The following PLAAT1 variants were observed in gnomAD, a reference collection of about 807,000 sequenced individuals.
PLAAT1 encodes H-REV107 protein-related protein.
In PLAAT1, 13 loss-of-function variants were observed where a neutral mutation model predicts 16.4. The observed-to-expected ratio is 0.79, with a 90% CI of 0.52 to 1.26. The LOEUF is 1.26. Among genes scored for constraint, PLAAT1 ranks in the 50% most tolerant of loss-of-function variants. PLAAT1 has a pLI of 0.00. For missense variants in PLAAT1, 218 were observed against 207.8 expected (o/e 1.05, Z -0.30); for synonymous variants, 73 against 78.4 (o/e 0.93, Z 0.36).
chr3:193,273,209 A>G (rs1472361875), downstream of PLAAT1, among the ~76,000 whole-genome samples: 1 of 152,222 alleles, frequency 6.6e-6, no homozygotes, highest in Non-Finnish European at 1.5e-5. Flanking sequence ...CTAAATGCAG[A>G]TGTCAGCTCA....
At chr3:193,245,892 T>C (rs1295163804) in intron 1 of PLAAT1, among the ~76,000 whole-genome samples, 3 of 152,250 alleles carry the variant, frequency 2.0e-5, no homozygotes, top group Non-Finnish European at 4.4e-5. Context: ...GTTTTCTTGC[T>C]ATTGAGTTGT....
intron 1 of PLAAT1, among the ~76,000 whole-genome samples, chr3:193,254,294 A>G (rs992462251): frequency 1.3e-5 from 2 of 152,204 alleles, no homozygotes; most frequent in Non-Finnish European, 2.9e-5. Context: ...AAAGACTTTT[A>G]GAGTGCCAGA....
chr3:193,260,588 A>G (rs367987258), intron 2 of PLAAT1, among the ~76,000 whole-genome samples: 9 of 152,218 alleles, frequency 5.9e-5, no homozygotes, highest in African/African-American at 1.9e-4. Context: ...CAACAAACCT[A>G]TGAAACAATG....
chr3:193,244,040 C>T (rs530015469), intron 1 of PLAAT1, among the ~76,000 whole-genome samples: 22 of 152,244 alleles, frequency 1.4e-4, no homozygotes, highest in Admixed American at 2.6e-4. Context: ...TTCAGGTTGT[C>T]GCATATGTCA....
At chr3:193,258,787 G>A (rs1474157151) in intron 2 of PLAAT1, among the ~76,000 whole-genome samples, 1 of 152,026 alleles carries the variant, frequency 6.6e-6, no homozygotes, top group Admixed American at 6.5e-5. Context: ...ACCGAAAAAA[G>A]CCCTGGAGCA....
intron 2 of PLAAT1, chr3:193,276,642 A>T (rs184885245): frequency 4.5e-5 from 33 of 740,506 alleles, no homozygotes; most frequent in Non-Finnish European, 1.8e-5. Flanking sequence ...ACCCTTAATA[A>T]CTGTCATTTT....
At chr3:193,273,379 T>G (rs1391449881), downstream of PLAAT1, among the ~76,000 whole-genome samples, 1 of 152,206 alleles carries the variant, frequency 6.6e-6, no homozygotes, top group Non-Finnish European at 1.5e-5. Flanking sequence ...CAAGAAAAGG[T>G]TAAAAAGCAA....
intron 2 of PLAAT1, among the ~76,000 whole-genome samples, chr3:193,256,441 C>T (rs919818483): frequency 6.6e-6 from 1 of 152,014 alleles, no homozygotes; most frequent in African/African-American, 2.4e-5. Flanking sequence ...GATATAGTAT[C>T]CCAGGTCAAG....
chr3:193,264,778 G>A (rs1030937900), intron 3 of PLAAT1, among the ~76,000 whole-genome samples: 7 of 152,218 alleles, frequency 4.6e-5, no homozygotes, highest in East Asian at 1.9e-4. Context: ...CTCCCACAGC[G>A]CTGGGATTAC....
At chr3:193,265,336 A>T (rs560056226) in intron 3 of PLAAT1, among the ~76,000 whole-genome samples, 2 of 152,366 alleles carry the variant, frequency 1.3e-5, no homozygotes, top group East Asian at 3.9e-4. Context: ...TACATGCTAC[A>T]GTATGGACCT....
At chr3:193,245,706 C>T (rs1291022844) in intron 1 of PLAAT1, among the ~76,000 whole-genome samples, 2 of 152,164 alleles carry the variant, frequency 1.3e-5, no homozygotes, top group Non-Finnish European at 2.9e-5. Context: ...CACTTCTTAT[C>T]ATTTTTGGTA....
upstream of PLAAT1, among the ~76,000 whole-genome samples, chr3:193,240,654 CGTGT>C (rs370008875): frequency 5.6e-3 from 499 of 88,550 alleles, 2 homozygotes; most frequent in African/African-American, 0.018. Flanking sequence ...GGCTATCTGG[CGTGT>C]GTGTGTGTGT....
intron 1 of PLAAT1, among the ~76,000 whole-genome samples, chr3:193,249,011 C>A (rs925564560): frequency 6.6e-6 from 1 of 152,028 alleles, no homozygotes; most frequent in Non-Finnish European, 1.5e-5. Context: ...ATTCCCTCAG[C>A]TTTTGTTTAT....
At position 193,263,190 on chromosome 3, in the gene PLAAT1, A is replaced by T; in HGVS notation, c.360A>T (p.Glu120Asp). 6.2e-7 allele frequency: 1 copy of T among 1,614,214 alleles called. No homozygotes were observed. Among genetic ancestry groups the T allele is most frequent in the East Asian group, 2.2e-5 (1 of 44,890 alleles). The change falls in exon 3 of 4, where the codon GAA becomes GAT. Residue 120 changes from glutamate to aspartate, a missense_variant. Coordinates refer to ENST00000264735, the MANE Select transcript of PLAAT1 (RefSeq NM_020386.5). ...ATAACTTACTTGTCAACAACTGTGA[A>T]CATTTTGTGACATTGCTTCGCTATG... ...VAYNLLVNNCEHFVTLLRYGE... is the reference protein window; with the variant it reads ...VAYNLLVNNCDHFVTLLRYGE...
At chr3:193,266,913 T>C (rs115477311) in intron 3 of PLAAT1, among the ~76,000 whole-genome samples, 1,955 of 152,242 alleles carry the variant, frequency 0.013, 29 homozygotes, top group Middle Eastern at 0.037. Flanking sequence ...CCCTTGAGCT[T>C]AGAAATGTTT....
At chr3:193,275,180 T>C (rs188756416), downstream of PLAAT1, 13 of 1,614,234 alleles carry the variant, frequency 8.1e-6, no homozygotes, top group Non-Finnish European at 1.0e-5. Context: ...CTGTCCTGTT[T>C]ATGGGAGGCC....
chr3:193,272,221 A>C (rs575684797), downstream of PLAAT1, among the ~76,000 whole-genome samples: 13 of 152,270 alleles, frequency 8.5e-5, no homozygotes, highest in African/African-American at 3.1e-4. Context: ...AGGCAGGTGG[A>C]TCATGAGGTC....
chr3:193,260,762 T>G (rs911717587), intron 2 of PLAAT1, among the ~76,000 whole-genome samples: 1 of 152,078 alleles, frequency 6.6e-6, no homozygotes, highest in Admixed American at 6.6e-5. Context: ...TGTAAATTAG[T>G]TCAGCCACTG....
downstream of PLAAT1, among the ~76,000 whole-genome samples, chr3:193,273,312 G>A (rs1423230225): frequency 1.3e-5 from 2 of 152,118 alleles, no homozygotes; most frequent in Non-Finnish European, 2.9e-5. Context: ...CTTGTTACCA[G>A]TAGCTGCTAA....
Sources: allele counts gnomAD v4.1 joint callset (sites outside exome capture counted in the v4.1 genomes callset), GRCh38; gene constraint gnomAD v4.1.1; transcripts MANE v1.5; gene names NCBI Gene and HGNC (gene_info 2026-07-23, HGNC 2026-07-21).